The following EML6 variants were observed in gnomAD, a reference collection of about 807,000 sequenced individuals.
The protein encoded by EML6 is echinoderm microtubule-associated protein-like 6.
EML6 carries 154 observed loss-of-function variants against 240.1 expected under a neutral mutation model. The observed-to-expected ratio is 0.64, with a 90% CI of 0.56 to 0.73. The LOEUF (loss-of-function observed/expected upper bound fraction) is 0.73, where lower values mean the gene tolerates loss of function less well. Among genes scored for constraint, EML6 ranks in the 30% least tolerant of loss-of-function variants. EML6 has a pLI of 0.00. For synonymous variants in EML6, 1,148 were observed against 899.0 expected (o/e 1.28, Z -4.95); for missense variants, 2,964 against 2,474.6 (o/e 1.20, Z -4.20).
At chr2:54,838,208 T>C (rs1288272511) in intron 7 of EML6, among the ~76,000 whole-genome samples, 1 of 152,230 alleles carries the variant, frequency 6.6e-6, no homozygotes, top group African/African-American at 2.4e-5. Context: ...AGGGCTCGGA[T>C]GTGACCACAC....
intron 2 of EML6, among the ~76,000 whole-genome samples, chr2:54,731,338 GAATCTAAT>G: frequency 6.6e-6 from 1 of 152,244 alleles, no homozygotes; most frequent in East Asian, 1.9e-4. Flanking sequence ...GTGACATCAT[GAATCTAAT>G]TTTTAATTCA....
At chr2:54,787,493 T>A (rs907890311) in intron 2 of EML6, among the ~76,000 whole-genome samples, 5 of 152,172 alleles carry the variant, frequency 3.3e-5, no homozygotes, top group African/African-American at 1.2e-4. Context: ...TGAGCCGCAG[T>A]ATGTTTGTCT....
chr2:54,842,837 A>G lies in EML6; in HGVS notation c.848-1210A>G, dbSNP rs112472632. On this transcript the variant is annotated intron_variant, in intron 7 of 41. Transcript: ENST00000356458. ...GACGTGTGGACTTTAAAGGAGTACTATGCTTTTGGAGAAGAGGCTTGTGGA... is the reference window on the plus strand; with the variant it reads ...GACGTGTGGACTTTAAAGGAGTACTGTGCTTTTGGAGAAGAGGCTTGTGGA... Among the ~76,000 whole-genome samples, 860 of 152,318 alleles carry G rather than the reference A, an allele frequency of 5.6e-3. 13 individuals carry two copies. The highest frequency in any genetic ancestry group is 0.02 in the African/African-American group (821 of 41,574).
At chr2:54,895,563 T>C (rs1167767760) in intron 21 of EML6, among the ~76,000 whole-genome samples, 163 bp downstream of exon 21, 1 of 152,254 alleles carries the variant, frequency 6.6e-6, no homozygotes, top group East Asian at 1.9e-4. Flanking sequence ...GCCACAAGCT[T>C]AGCAGCTTAA....
At chr2:54,927,169 C>A (rs1019090687) in intron 26 of EML6, among the ~76,000 whole-genome samples, 1 of 152,200 alleles carries the variant, frequency 6.6e-6, no homozygotes, top group Non-Finnish European at 1.5e-5. Flanking sequence ...TCCTACCTGC[C>A]TGTTTGCTTC....
At chr2:54,854,132 A>G (rs1344528759) in intron 11 of EML6, among the ~76,000 whole-genome samples, 8 of 152,230 alleles carry the variant, frequency 5.3e-5, no homozygotes, top group Non-Finnish European at 8.8e-5. Context: ...AACAAGTCAT[A>G]TTTATGTAAA....
Position 54,830,002 on chromosome 2 carries a change from A to G in EML6, c.847+525A>G, listed in dbSNP as rs113304158. On this transcript the variant is annotated intron_variant, in intron 7 of 41. Coordinates refer to ENST00000356458, the MANE Select transcript of EML6 (RefSeq NM_001039753.4). ...CTGTTTCCTCATCTATAAAATGGAG[A>G]TAATACTAGCACCAGCCTCCCATAG... Among the ~76,000 whole-genome samples the G allele has an allele frequency of 3.3e-4, 50 of 152,292 alleles. 1 individual carries two copies. The highest frequency in any genetic ancestry group is 1.1e-3 in the African/African-American group (45 of 41,566).
intron 22 of EML6, 146 bp downstream of exon 22, chr2:54,899,928 C>A: frequency 1.2e-6 from 1 of 800,132 alleles, no homozygotes; most frequent in Non-Finnish European, 1.9e-6. Context: ...TTGGTTGCTA[C>A]AGTCATAACT....
intron 16 of EML6, among the ~76,000 whole-genome samples, chr2:54,873,587 G>A (rs967603241): frequency 3.3e-5 from 5 of 150,916 alleles, no homozygotes; most frequent in East Asian, 1.9e-4. Context: ...AGATGTGGAT[G>A]AATTCCTTCT....
rs1392453390 is a variant in EML6, at chr2:54,819,877, GA to G, written c.457-516del. Among the ~76,000 whole-genome samples, 3 of 152,158 alleles carry G rather than the reference GA, an allele frequency of 2.0e-5. No homozygotes were observed. The East Asian group carries it at 5.8e-4, about 29-fold the overall frequency. ...TTGGGTCAGATTAAAATGATAGCCTGAGGGACTATTTAAGTTAGTGACAGAT... is the reference window on the plus strand; with the variant it reads ...TTGGGTCAGATTAAAATGATAGCCTGGGGACTATTTAAGTTAGTGACAGAT... On this transcript the variant is annotated intron_variant, in intron 4 of 41. Coordinates refer to ENST00000356458, the MANE Select transcript of EML6 (RefSeq NM_001039753.4).
chr2:54,788,571 C>G (rs992940417), intron 2 of EML6, among the ~76,000 whole-genome samples: 8 of 152,166 alleles, frequency 5.3e-5, no homozygotes, highest in South Asian at 2.1e-4. Flanking sequence ...AGAGAGAGAC[C>G]TCAAGACCAA....
At position 54,943,912 on chromosome 2, in the gene EML6, T is replaced by C. The variant is rs78720452; in HGVS notation, c.4005-4970T>C. Among the ~76,000 whole-genome samples the C allele has an allele frequency of 1.4e-3, 208 of 152,370 alleles. 2 individuals carry two copies. Among genetic ancestry groups the C allele is most frequent in the Middle Eastern group, 6.8e-3 (2 of 294 alleles). On this transcript the variant is annotated intron_variant, in intron 28 of 41. Coordinates refer to ENST00000356458, the MANE Select transcript of EML6 (RefSeq NM_001039753.4). The stretch of plus-strand genomic sequence containing the variant: ...AAACTTTTGAAAGCCACATGTGGCA[T>C]TGGCTACTGAATTGGACAGTGCGTG...
intron 10 of EML6, among the ~76,000 whole-genome samples, chr2:54,851,214 A>C (rs990520134): frequency 8.6e-5 from 13 of 151,988 alleles, no homozygotes; most frequent in African/African-American, 1.2e-4. Flanking sequence ...TTCGAAATCA[A>C]CCTGGCCAAC....
chr2:54,906,249 G>T (rs1393739712), intron 24 of EML6, among the ~76,000 whole-genome samples: 13 of 152,058 alleles, frequency 8.5e-5, no homozygotes, highest in African/African-American at 3.1e-4. Context: ...TCTCATTTTG[G>T]GTTTCATTTG....
intron 5 of EML6, among the ~76,000 whole-genome samples, chr2:54,821,160 G>T (rs963392069): frequency 6.6e-6 from 1 of 152,086 alleles, no homozygotes; most frequent in African/African-American, 2.4e-5. Context: ...TTACTTTCTT[G>T]AATAGAGCAT....
At chr2:54,746,748 A>G (rs951138688) in intron 2 of EML6, among the ~76,000 whole-genome samples, 3 of 152,196 alleles carry the variant, frequency 2.0e-5, no homozygotes, top group Non-Finnish European at 4.4e-5. Context: ...AGTTTCATCT[A>G]ATTCTCCTTT....
intron 24 of EML6, among the ~76,000 whole-genome samples, chr2:54,907,135 G>T (rs1673366329): frequency 6.6e-6 from 1 of 152,110 alleles, no homozygotes; most frequent in Non-Finnish European, 1.5e-5. Context: ...ATGTATGGAG[G>T]GAGAGAAAAC....
At chr2:54,871,884 C>T (rs1487337614) in intron 16 of EML6, among the ~76,000 whole-genome samples, 2 of 152,252 alleles carry the variant, frequency 1.3e-5, no homozygotes, top group African/African-American at 2.4e-5. Flanking sequence ...ACCCAGAGCT[C>T]ACACTGTGTT....
At chr2:54,728,339 A>G (rs1682998212) in intron 2 of EML6, among the ~76,000 whole-genome samples, 1 of 152,150 alleles carries the variant, frequency 6.6e-6, no homozygotes, top group African/African-American at 2.4e-5. Flanking sequence ...CTTCCCTTCC[A>G]TTTTCACAGT....
Sources: gnomAD v4.1 joint callset for allele counts (sites outside exome capture counted in the v4.1 genomes callset) on GRCh38, gnomAD v4.1.1 for gene constraint, MANE v1.5 for transcripts, NCBI Gene and HGNC (gene_info 2026-07-23, HGNC 2026-07-21) for gene names.